The following EIF4G3 variants were observed in gnomAD, a reference collection of about 807,000 sequenced individuals.
The protein encoded by EIF4G3 is eIF-4-gamma 3.
Under a neutral mutation model 186.4 loss-of-function variants are expected in EIF4G3, and 34 were observed. The ratio of observed to expected loss-of-function variants is 0.18; its 90% CI spans 0.14 to 0.24. The LOEUF (loss-of-function observed/expected upper bound fraction) is 0.24. Ranked by LOEUF, EIF4G3 falls within the 10% of genes least tolerant of loss-of-function variation. EIF4G3 has a pLI of 1.00. For synonymous variants in EIF4G3, 673 were observed against 679.5 expected, an observed-to-expected ratio of 0.99 and a Z score of 0.15; for missense variants, 1,536 against 1,948.5, an observed-to-expected ratio of 0.79 and a Z score of 3.99.
At chr1:21,046,756 A>T (rs1026819566) in intron 4 of EIF4G3, among the ~76,000 whole-genome samples, 5 of 152,242 alleles carry the variant, frequency 3.3e-5, no homozygotes, top group African/African-American at 1.2e-4. Context: ...CAAGCCTAAT[A>T]TCCTACTTTT....
intron 4 of EIF4G3, among the ~76,000 whole-genome samples, chr1:21,041,578 A>G (rs1204196179): frequency 1.3e-5 from 2 of 152,258 alleles, no homozygotes. Context: ...AAGAGTAGTA[A>G]GATGTGGAGT....
At chr1:20,815,867 GA>G (rs1339848768) in intron 34 of EIF4G3, among the ~76,000 whole-genome samples, 8 of 120,568 alleles carry the variant, frequency 6.6e-5, no homozygotes, top group Admixed American at 1.5e-4. Flanking sequence ...CCCCGTCCGG[GA>G]GGGGGGAGGG....
At chr1:20,855,602 T>TA (rs1430321491) in intron 25 of EIF4G3, among the ~76,000 whole-genome samples, 11 of 152,290 alleles carry the variant, frequency 7.2e-5, no homozygotes, top group African/African-American at 2.6e-4. Flanking sequence ...ATCTCATGTT[T>TA]AATCTTCCAA....
At chr1:21,087,022 A>G (rs10753511) in intron 3 of EIF4G3, among the ~76,000 whole-genome samples, 143,544 of 151,960 alleles carry the variant, frequency 0.94, 68,308 homozygotes, top group Middle Eastern at 1. Flanking sequence ...ATGTATATGT[A>G]ACTCTTGAAA....
intron 14 of EIF4G3, among the ~76,000 whole-genome samples, chr1:20,913,230 A>G (rs956695563): frequency 8.5e-5 from 13 of 152,314 alleles, no homozygotes; most frequent in African/African-American, 2.9e-4. Flanking sequence ...ACTAGAAACA[A>G]AACAGTATAA....
chr1:20,962,174 G>A (rs1468056897), intron 12 of EIF4G3, among the ~76,000 whole-genome samples: 1 of 152,090 alleles, frequency 6.6e-6, no homozygotes, highest in Non-Finnish European at 1.5e-5. Context: ...AACAATTCAG[G>A]AGCTAGAGGA....
At chr1:20,973,150 T>A in intron 10 of EIF4G3, 51 bp from the exon 11 acceptor site, 1 of 1,346,414 alleles carries the variant, frequency 7.4e-7, no homozygotes, top group Non-Finnish European at 1.1e-6. Flanking sequence ...TGTCAAACAC[T>A]ACAGAACTAG....
intron 2 of EIF4G3, among the ~76,000 whole-genome samples, chr1:21,161,134 GC>G (rs2097760236): frequency 6.6e-6 from 1 of 152,108 alleles, no homozygotes; most frequent in Non-Finnish European, 1.5e-5. Flanking sequence ...TCGCACCACT[GC>G]ACTCCAGCTT....
intron 20 of EIF4G3, among the ~76,000 whole-genome samples, chr1:20,871,652 C>A (rs957392047): frequency 2.0e-5 from 3 of 152,156 alleles, no homozygotes; most frequent in African/African-American, 7.2e-5. Context: ...TCTGACTTCA[C>A]AGGAAACATT....
At chr1:21,135,871 G>A (rs781347525) in intron 2 of EIF4G3, among the ~76,000 whole-genome samples, 9 of 152,172 alleles carry the variant, frequency 5.9e-5, no homozygotes, top group Non-Finnish European at 1.3e-4. Context: ...AGCATAGACA[G>A]ACCCTTATGA....
At chr1:21,151,439 C>G (rs537728321) in intron 2 of EIF4G3, among the ~76,000 whole-genome samples, 1 of 151,674 alleles carries the variant, frequency 6.6e-6, no homozygotes, top group African/African-American at 2.4e-5. Flanking sequence ...AGGGTTTCAC[C>G]GTGTTAGCCA....
At chr1:21,098,856 C>T (rs1020399854) in intron 2 of EIF4G3, among the ~76,000 whole-genome samples, 106 of 152,180 alleles carry the variant, frequency 7.0e-4, no homozygotes, top group African/African-American at 2.5e-3. Context: ...AGGCTGGTCC[C>T]AAACTCCTGA....
At chr1:21,146,588 T>C (rs2102734986) in intron 2 of EIF4G3, among the ~76,000 whole-genome samples, 1 of 151,786 alleles carries the variant, frequency 6.6e-6, no homozygotes, top group Non-Finnish European at 1.5e-5. Context: ...GGCCAGTCTC[T>C]ACTAAAAAAT....
chr1:20,962,908 GTT>G (rs66593105), intron 12 of EIF4G3, among the ~76,000 whole-genome samples: 1 of 139,210 alleles, frequency 7.2e-6, no homozygotes, highest in South Asian at 2.3e-4. Context: ...TTGTAGTTTT[GTT>G]TTTTTTTTGT....
intron 2 of EIF4G3, among the ~76,000 whole-genome samples, chr1:21,127,163 A>G (rs1483486527): frequency 6.6e-6 from 1 of 151,882 alleles, no homozygotes; most frequent in African/African-American, 2.4e-5. Flanking sequence ...CTAATTTTAT[A>G]TTTTCTGTAA....
At chr1:20,816,367 T>TG (rs374029680) in intron 34 of EIF4G3, among the ~76,000 whole-genome samples, 1 of 7,574 alleles carries the variant, frequency 1.3e-4, no homozygotes, top group African/African-American at 5.3e-4. Context: ...GGGAGGGAGG[T>TG]GGGGGGGTCA....
rs1349138801 is a variant in EIF4G3, at chr1:21,176,572, GCCGCCGCCGCCGCCGCCGCCT to G, written c.-456+129_-456+149del. 8.7e-4 allele frequency: 138 copies of G among 158,276 alleles called. 6 individuals are homozygous for G. The highest frequency in any genetic ancestry group is 1.2e-3 in the Non-Finnish European group (87 of 75,266). 9.8% of individuals were successfully genotyped at this position (158,276 alleles called of 1,614,324 possible). ...GGGCCGGTCACACACGCCCGACGCC[GCCGCCGCCGCCGCCGCCGCCT>G]CCGCCGCCGCCGCCGCCGGCAGCAG... On this transcript the variant is annotated intron_variant, in intron 1 of 36. Transcript: ENST00000602326.
intron 3 of EIF4G3, among the ~76,000 whole-genome samples, chr1:21,072,083 T>C (rs1469979318): frequency 6.6e-6 from 1 of 152,212 alleles, no homozygotes; most frequent in Non-Finnish European, 1.5e-5. Context: ...ACATGGATAA[T>C]TATACTACAA....
intron 16 of EIF4G3, among the ~76,000 whole-genome samples, chr1:20,896,500 C>T (rs970402316): frequency 6.7e-6 from 1 of 148,516 alleles, no homozygotes; most frequent in Non-Finnish European, 1.5e-5. Flanking sequence ...CATAGCTATA[C>T]AGTGTGTTTT....
Sources: allele counts gnomAD v4.1 joint callset (sites outside exome capture counted in the v4.1 genomes callset), GRCh38; gene constraint gnomAD v4.1.1; transcripts MANE v1.5; gene names NCBI Gene and HGNC (gene_info 2026-07-23, HGNC 2026-07-21).